Variants in ANP32E observed in about 807,000 individuals in gnomAD.
The protein encoded by ANP32E is acidic nuclear phosphoprotein 32 family member E.
A neutral mutation model predicts 35.3 loss-of-function variants in ANP32E; 14 were observed. The observed-to-expected ratio is 0.40, with a 90% confidence interval of 0.26 to 0.62. The LOEUF (loss-of-function observed/expected upper bound fraction) is 0.62. Ranked by LOEUF, ANP32E falls within the 20% of genes least tolerant of loss-of-function variation. ANP32E has a pLI of 0.45. For missense variants in ANP32E, 198 were observed against 304.4 expected, an observed-to-expected ratio of 0.65 and a Z score of 2.60; for synonymous variants, 89 against 110.4, an observed-to-expected ratio of 0.81 and a Z score of 1.22.
chr1:150,231,725 A>C, intron 2 of ANP32E, 52 bp downstream of exon 2: 1 of 1,495,138 alleles, frequency 6.7e-7, no homozygotes, highest in Non-Finnish European at 8.9e-7. Context: ...CAAACACTAG[A>C]CATATAGCCG....
Position 150,220,084 on chromosome 1 carries a change from A to G in ANP32E, c.*607T>C, listed in dbSNP as rs1009331921. 3 of 152,152 alleles carry G rather than the reference A, an allele frequency of 2.0e-5. No individual in the cohort carries two copies. In the East Asian group the frequency reaches 5.8e-4, roughly 29 times the overall value. 9.4% of individuals were successfully genotyped at this position (152,152 alleles called of 1,614,324 possible). On this transcript the variant is annotated 3_prime_UTR_variant, in exon 7 of 7. Coordinates refer to ENST00000583931, the MANE Select transcript of ANP32E (RefSeq NM_030920.5). ...CTTATCAGTCACCACTAAATCCATG[A>G]ACCATATTACTGAATAGAACCTCCA...
intron 2 of ANP32E, 57 bp downstream of exon 2, chr1:150,231,720 A>T: frequency 1.3e-6 from 2 of 1,511,386 alleles, no homozygotes; most frequent in Non-Finnish European, 1.8e-6. Context: ...TTGGCCAAAC[A>T]CTAGACATAT....
intron 1 of ANP32E, among the ~76,000 whole-genome samples, chr1:150,232,263 G>C (rs1185073292): frequency 9.9e-5 from 14 of 141,750 alleles, no homozygotes; most frequent in Admixed American, 4.3e-4. Flanking sequence ...AGAATGGCGT[G>C]AACCCGGGAG....
intron 4 of ANP32E, among the ~76,000 whole-genome samples, chr1:150,227,508 A>G (rs1553840437): frequency 6.6e-6 from 1 of 151,964 alleles, no homozygotes; most frequent in Non-Finnish European, 1.5e-5. Flanking sequence ...CAAAAAACCA[A>G]ATACTGCATG....
At position 150,231,929 on chromosome 1, in the gene ANP32E, G is replaced by GT; in HGVS notation, c.55-4dup. ...TTATCAAGGACTAACTCTGTCACCT[G>GT]TAAGAGGGAAAACATTAATTAATGA... On this transcript the variant is annotated splice_region_variant and splice_polypyrimidine_tract_variant and intron_variant, in intron 1 of 6. Transcript: ENST00000583931. 6.2e-7 allele frequency: 1 copy of GT among 1,608,748 alleles called. No homozygotes were observed. Among genetic ancestry groups the GT allele is most frequent in the Non-Finnish European group, 8.5e-7 (1 of 1,178,570 alleles).
chr1:150,233,284 A>G (rs1416614422), intron 1 of ANP32E, among the ~76,000 whole-genome samples: 1 of 151,202 alleles, frequency 6.6e-6, no homozygotes, highest in African/African-American at 2.4e-5. Flanking sequence ...AAAAAAAAAA[A>G]AAAACCTACA....
chr1:150,223,299 C>G, intron 5 of ANP32E, 59 bp from the exon 6 acceptor site: 1 of 1,506,122 alleles, frequency 6.6e-7, no homozygotes, highest in Non-Finnish European at 9.0e-7. Flanking sequence ...TTCACTCTTT[C>G]TTGTAATATA....
At chr1:150,234,121 A>C (rs1161148697) in intron 1 of ANP32E, among the ~76,000 whole-genome samples, 1 of 152,070 alleles carries the variant, frequency 6.6e-6, no homozygotes, top group Non-Finnish European at 1.5e-5. Context: ...CAGCGGAAGA[A>C]GTTGAAAAAA....
intron 6 of ANP32E, among the ~76,000 whole-genome samples, chr1:150,221,557 GA>G (rs1168244225): frequency 9.8e-6 from 1 of 101,824 alleles, no homozygotes; most frequent in African/African-American, 4.1e-5. Flanking sequence ...GGGAGGGAGG[GA>G]AGGAAAGGAA....
rs1342185888 is a variant in ANP32E at position 150,235,145 on chromosome 1, G to C, written c.54+588C>G. ...GCCGCTGACCCAGATTCCGCCGGGC[G>C]AAGGGCAGAGGGCGGCGCGCGCGGC... On this transcript the variant is annotated intron_variant, in intron 1 of 6. Transcript: ENST00000583931. This position sits in a 1 kb window ranked among gnomAD's most constrained non-coding sequence, Gnocchi z 4.2. Among the ~76,000 whole-genome samples, 1 of 152,220 alleles carries C rather than the reference G, an allele frequency of 6.6e-6. No homozygotes were observed. Among genetic ancestry groups the C allele is most frequent in the South Asian group, 2.1e-4 (1 of 4,836 alleles).
chr1:150,223,705 A>T (rs1204755055), intron 5 of ANP32E, among the ~76,000 whole-genome samples: 3 of 592 alleles, frequency 5.1e-3, no homozygotes, highest in African/African-American at 0.018. Context: ...AAAAAAACCT[A>T]AACTAAATCT....
At position 150,220,434 on chromosome 1, in the gene ANP32E, T is replaced by G. The variant is rs1311692826; in HGVS notation, c.*257A>C. ...AAATGACTAATACAGTAAGCTTGAA[T>G]TTAAAAAATTAAGTCTAAATAAATT... On this transcript the variant is annotated 3_prime_UTR_variant, in exon 7 of 7. Coordinates refer to ENST00000583931, the MANE Select transcript of ANP32E (RefSeq NM_030920.5). 2.7e-6 allele frequency: 1 copy of G among 374,316 alleles called. No homozygotes were observed. Among genetic ancestry groups the G allele is most frequent in the Non-Finnish European group, 4.9e-6 (1 of 203,730 alleles). The allele number at this position is 374,316 out of a possible 1,614,324, so 23.2% of individuals were successfully genotyped here.
chr1:150,223,034 G>C (rs1288730865), intron 6 of ANP32E, 152 bp downstream of exon 6: 1 of 818,838 alleles, frequency 1.2e-6, no homozygotes, highest in African/African-American at 1.8e-5. Flanking sequence ...TTATAACTTT[G>C]AAGGCACTCT....
At position 150,231,926 on chromosome 1, in the gene ANP32E, C is replaced by T. The variant is rs1233606707; in HGVS notation, c.55G>A (p.Val19Met). ...LELRNRSPEEVTELVLDNCLC... is the reference protein window; with the variant it reads ...LELRNRSPEEMTELVLDNCLC... ...CAATTATCAAGGACTAACTCTGTCA[C>T]CTGTAAGAGGGAAAACATTAATTAA... Residue 19 changes from valine to methionine, a missense_variant and splice_region_variant, in exon 2 of 7, where the codon GTG becomes ATG. Val to Met is a conservative substitution (Grantham distance 21, BLOSUM62 1). This residue lies in a region of ANP32E where 35 missense variants were observed against 47.6 expected (regional missense o/e 0.74). Coordinates refer to ENST00000583931, the MANE Select transcript of ANP32E (RefSeq NM_030920.5). 3 of 1,609,406 alleles carry T rather than the reference C, an allele frequency of 1.9e-6. No homozygotes were observed. Among genetic ancestry groups the T allele is most frequent in the Admixed American group, 1.7e-5 (1 of 58,760 alleles).
Position 150,229,057 on chromosome 1 carries a change from A to G in ANP32E, c.493+15T>C, listed in dbSNP as rs1649120937. 1 of 1,609,888 alleles carries G rather than the reference A, an allele frequency of 6.2e-7. No individual in the cohort carries two copies. The highest frequency in any genetic ancestry group is 1.1e-5 in the South Asian group (1 of 90,724). ...CTATAATTATGACACACTTATGAGTATTAAGAACGATTACCCTCATCATCC... is the reference window on the plus strand; with the variant it reads ...CTATAATTATGACACACTTATGAGTGTTAAGAACGATTACCCTCATCATCC... On this transcript the variant is annotated intron_variant, in intron 4 of 6. Transcript: ENST00000583931.
chr1:150,228,540 A>C (rs1324913727), intron 4 of ANP32E, among the ~76,000 whole-genome samples: 2 of 152,072 alleles, frequency 1.3e-5, no homozygotes, highest in East Asian at 3.9e-4. Flanking sequence ...AAATACAAAA[A>C]AATTAGCTGG....
In ANP32E at chr1:150,226,789, T is replaced by A. The variant is rs782555226; in HGVS notation, c.500A>T (p.Asp167Val). Reference sequence around the variant, plus strand: ...TTCCTCTTCCTCTTCATCATCTTCATCGCCATCTTTAAAAAATCATTTAAA... The same window carrying A: ...TTCCTCTTCCTCTTCATCATCTTCAACGCCATCTTTAAAAAATCATTTAAA... ...DSEEEDDEDG[D>V]EDDEEEEENE... Residue 167 changes from aspartate to valine, a missense_variant, in exon 5 of 7, where the codon GAT becomes GTT. Asp to Val is a radical substitution (Grantham distance 152). Transcript: ENST00000583931. 2 of 1,601,574 alleles carry A rather than the reference T, an allele frequency of 1.2e-6. No homozygotes were observed. The highest frequency in any genetic ancestry group is 1.1e-5 in the South Asian group (1 of 89,632).
At chr1:150,223,334 G>A (rs782399363) in intron 5 of ANP32E, 94 bp from the exon 6 acceptor site, 2 of 1,451,988 alleles carry the variant, frequency 1.4e-6, no homozygotes, top group Middle Eastern at 1.8e-4. Flanking sequence ...AAGAAACTAT[G>A]GTTATTCTGT....
chr1:150,233,278 A>C (rs976763413), intron 1 of ANP32E, among the ~76,000 whole-genome samples: 11 of 151,454 alleles, frequency 7.3e-5, no homozygotes, highest in African/African-American at 2.4e-4. Context: ...AAAAAAAAAA[A>C]AAAAAAAAAA....
Sources: allele counts gnomAD v4.1 joint callset (sites outside exome capture counted in the v4.1 genomes callset), GRCh38; gene constraint gnomAD v4.1.1; regional missense constraint gnomAD v4.1.1; non-coding constraint Gnocchi (gnomAD v3.1); transcripts MANE v1.5; gene names NCBI Gene and HGNC (gene_info 2026-07-23, HGNC 2026-07-21).